RASAL2: variants seen among roughly 807,000 people sequenced by gnomAD.
The protein encoded by RASAL2 is ras GTPase-activating protein nGAP.
Under a neutral mutation model 128.9 loss-of-function variants are expected in RASAL2, and 58 were observed. The observed-to-expected ratio is 0.45, with a 90% CI of 0.36 to 0.56. RASAL2 has a LOEUF of 0.56. RASAL2 is among the 20% of genes least tolerant of loss of function. The probability of loss-of-function intolerance (pLI) is 0.00; values close to 1 mark genes in which losing one functional copy is unlikely to be tolerated. For synonymous variants in RASAL2, 561 were observed against 580.8 expected, an observed-to-expected ratio of 0.97 and a Z score of 0.49; for missense variants, 1,360 against 1,601.6, an observed-to-expected ratio of 0.85 and a Z score of 2.57.
At position 178,441,662 on chromosome 1, in the gene RASAL2, A is replaced by G. The variant is rs749006814; in HGVS notation, c.927+15A>G. The G allele has an allele frequency of 7.6e-6, 12 of 1,577,016 alleles. No individual in the cohort carries two copies. Among genetic ancestry groups the G allele is most frequent in the Non-Finnish European group, 1.0e-5 (12 of 1,148,010 alleles). ...AACCTAATAAGGTAATAGTAGCTTC[A>G]AGTATCTAAAAAATGTATAACTTTG... On this transcript the variant is annotated intron_variant, in intron 7 of 17. Coordinates refer to ENST00000367649, the MANE Select transcript of RASAL2 (RefSeq NM_170692.4).
chr1:178,239,018 A>AT (rs1433517558), intron 1 of RASAL2, among the ~76,000 whole-genome samples: 1 of 151,942 alleles, frequency 6.6e-6, no homozygotes, highest in Non-Finnish European at 1.5e-5. Flanking sequence ...AACCACAGGT[A>AT]TTTTTCCTGT....
intron 1 of RASAL2, among the ~76,000 whole-genome samples, chr1:178,200,681 G>A (rs1662834076): frequency 6.6e-6 from 1 of 152,148 alleles, no homozygotes; most frequent in South Asian, 2.1e-4. Context: ...GGACAGCCTC[G>A]CCAGGTGTCT....
chr1:178,181,488 G>T (rs1477281710), intron 1 of RASAL2, among the ~76,000 whole-genome samples: 1 of 152,024 alleles, frequency 6.6e-6, no homozygotes, highest in African/African-American at 2.4e-5. Flanking sequence ...CTGCCGAGTA[G>T]CTGGGACTAC....
chr1:178,448,527 T>G (rs1677168850), intron 9 of RASAL2, among the ~76,000 whole-genome samples: 1 of 152,140 alleles, frequency 6.6e-6, no homozygotes, highest in Non-Finnish European at 1.5e-5. Context: ...ATATAGACAT[T>G]AAGAATGGTA....
At chr1:178,289,210 T>C (rs1469578970) in intron 2 of RASAL2, among the ~76,000 whole-genome samples, 1 of 152,208 alleles carries the variant, frequency 6.6e-6, no homozygotes, top group Non-Finnish European at 1.5e-5. Context: ...AATCTGTTAA[T>C]GGCATTTAGT....
chr1:178,252,009 C>T lies in RASAL2; in HGVS notation c.203-31555C>T, dbSNP rs537978288. On this transcript the variant is annotated intron_variant, in intron 1 of 17. Coordinates refer to ENST00000367649, the MANE Select transcript of RASAL2 (RefSeq NM_170692.4). ...GGTTTCAGATTTGCCAAATTCATTT[C>T]TGGTTGGGGTCCAAAAACATTGAAA... is the stretch of plus-strand genomic sequence containing the variant. 2.1e-4 allele frequency among the ~76,000 whole-genome samples: 32 copies of T among 151,938 alleles called. 1 individual carries two copies. The highest frequency in any genetic ancestry group is 1.3e-3 in the Admixed American group (20 of 15,256).
intron 1 of RASAL2, among the ~76,000 whole-genome samples, chr1:178,172,767 G>A (rs1045443965): frequency 7.2e-5 from 11 of 152,004 alleles, no homozygotes; most frequent in Non-Finnish European, 1.0e-4. Context: ...CATCATAATT[G>A]CAGTATTTCC....
intron 3 of RASAL2, among the ~76,000 whole-genome samples, chr1:178,375,529 G>A (rs1157635760): frequency 6.6e-6 from 1 of 152,116 alleles, no homozygotes; most frequent in East Asian, 1.9e-4. Flanking sequence ...TTATCCCTGT[G>A]TATTATAATT....
intron 3 of RASAL2, among the ~76,000 whole-genome samples, chr1:178,370,563 G>C (rs1010690092): frequency 3.9e-5 from 6 of 152,012 alleles, no homozygotes; most frequent in African/African-American, 9.7e-5. Context: ...TTTCTCAATC[G>C]TGTGGTACTG....
chr1:178,407,107 C>T (rs1182870506), intron 4 of RASAL2, among the ~76,000 whole-genome samples: 1 of 152,070 alleles, frequency 6.6e-6, no homozygotes, highest in Non-Finnish European at 1.5e-5. Context: ...CCTTTTGATG[C>T]TTAAATTTGA....
At chr1:178,320,536 G>T (rs1368652103) in intron 3 of RASAL2, among the ~76,000 whole-genome samples, 10 of 152,330 alleles carry the variant, frequency 6.6e-5, no homozygotes, top group African/African-American at 2.4e-4. Context: ...GCAATATTTG[G>T]GTGGGAGTGA....
chr1:178,180,497 A>AAAAAAAAAAAAAAC (rs1662059546), intron 1 of RASAL2, among the ~76,000 whole-genome samples: 3 of 150,550 alleles, frequency 2.0e-5, no homozygotes, highest in African/African-American at 7.3e-5. Flanking sequence ...AAAAAAAAAA[A>AAAAAAAAAAAAAAC]AAAAAAAAAA....
intron 1 of RASAL2, among the ~76,000 whole-genome samples, chr1:178,222,620 A>G (rs568042429): frequency 6.6e-6 from 1 of 152,224 alleles, no homozygotes; most frequent in South Asian, 2.1e-4. Context: ...CAGATGTCCA[A>G]TGTTGATATT....
chr1:178,210,304 A>T (rs1401827005), intron 1 of RASAL2, among the ~76,000 whole-genome samples: 2 of 152,186 alleles, frequency 1.3e-5, no homozygotes, highest in Non-Finnish European at 2.9e-5. Flanking sequence ...AATTATATTG[A>T]CCTGGCCTTG....
At chr1:178,128,170 T>G (rs1310488405) in intron 1 of RASAL2, among the ~76,000 whole-genome samples, 1 of 152,128 alleles carries the variant, frequency 6.6e-6, no homozygotes, top group East Asian at 1.9e-4. Flanking sequence ...CTTTGGTGTC[T>G]AAAGAATTTC....
intron 3 of RASAL2, among the ~76,000 whole-genome samples, chr1:178,366,583 A>ACCCCC (rs1170150772): frequency 1.6e-4 from 6 of 37,896 alleles, no homozygotes; most frequent in African/African-American, 4.9e-4. Context: ...GGTACCTCCC[A>ACCCCC]CCCCCCCCCG....
chr1:178,206,514 T>C (rs911081904), intron 1 of RASAL2, among the ~76,000 whole-genome samples: 1 of 152,188 alleles, frequency 6.6e-6, no homozygotes, highest in African/African-American at 2.4e-5. Context: ...CAAGCCAAAA[T>C]ATAGTTGCAT....
At chr1:178,273,857 GTGGTTTTTCA>G (rs1666372533) in intron 1 of RASAL2, among the ~76,000 whole-genome samples, 1 of 152,308 alleles carries the variant, frequency 6.6e-6, no homozygotes, top group South Asian at 2.1e-4. Flanking sequence ...CTTGAGGTCA[GTGGTTTTTCA>G]TAAAAAGAAA....
chr1:178,129,430 T>C (rs60089953), intron 1 of RASAL2, among the ~76,000 whole-genome samples: 16,619 of 152,166 alleles, frequency 0.11, 1,161 homozygotes, highest in African/African-American at 0.19. Context: ...TTGTCCATTT[T>C]AAAATTGGGC....
Sources: allele counts gnomAD v4.1 joint callset (sites outside exome capture counted in the v4.1 genomes callset), GRCh38; gene constraint gnomAD v4.1.1; transcripts MANE v1.5; gene names NCBI Gene and HGNC (gene_info 2026-07-23, HGNC 2026-07-21).